The following SLC28A1 variants were observed in gnomAD, a reference collection of about 807,000 sequenced individuals.
The protein encoded by SLC28A1 is sodium/nucleoside cotransporter 1.
Under a neutral mutation model 74.8 loss-of-function variants are expected in SLC28A1, and 64 were observed. The ratio of observed to expected loss-of-function variants is 0.86; its 90% confidence interval spans 0.70 to 1.05. The LOEUF (loss-of-function observed/expected upper bound fraction) is 1.05. SLC28A1 is among the 50% of genes least tolerant of loss of function. The pLI is 0.00. For synonymous variants in SLC28A1, 359 were observed against 335.0 expected (o/e 1.07, Z -0.78); for missense variants, 828 against 822.8 (o/e 1.01, Z -0.08).
chr15:84,945,279 C>T lies in SLC28A1; in HGVS notation c.*79C>T. On this transcript the variant is annotated 3_prime_UTR_variant, in exon 19 of 19. Transcript: ENST00000394573. Reference sequence around the variant, plus strand: ...CCATCTGTCCCCACCTTCCCTTTCCCAGAGCCCTCTTCAGGGAAGCCACAG... The same window carrying T: ...CCATCTGTCCCCACCTTCCCTTTCCTAGAGCCCTCTTCAGGGAAGCCACAG... 7.3e-7 allele frequency: 1 copy of T among 1,372,506 alleles called. No individual in the cohort carries two copies. Among genetic ancestry groups the T allele is most frequent in the Non-Finnish European group, 1.0e-6 (1 of 964,578 alleles). 85.0% of individuals were successfully genotyped at this position (1,372,506 alleles called of 1,614,324 possible).
At chr15:84,963,598 C>T in the SLC28A1 span, among the ~76,000 whole-genome samples, 4 of 152,072 alleles carry the variant, frequency 2.6e-5, no homozygotes, top group African/African-American at 9.7e-5. Context: ...CTGGCATGGC[C>T]AGGGAGGGTA....
chr15:84,911,027 G>C (rs575508873), intron 9 of SLC28A1, among the ~76,000 whole-genome samples: 1 of 152,360 alleles, frequency 6.6e-6, no homozygotes, highest in East Asian at 1.9e-4. Flanking sequence ...TCAGTGGATA[G>C]GCAGGTAAGC....
the SLC28A1 span, among the ~76,000 whole-genome samples, chr15:84,960,313 T>C: frequency 7.8e-6 from 1 of 129,008 alleles, no homozygotes; most frequent in Admixed American, 9.4e-5. Flanking sequence ...TGGAGTACAG[T>C]GGCGCAATCT....
chr15:84,932,726 G>C (rs1971463809), intron 12 of SLC28A1, among the ~76,000 whole-genome samples: 1 of 152,218 alleles, frequency 6.6e-6, no homozygotes, highest in Non-Finnish European at 1.5e-5. Context: ...CCTCCACTAA[G>C]GGGGAAACCT....
chr15:84,956,480 T>TTTCTTTCTTTCTTTCTTTCTTTCC, the SLC28A1 span, among the ~76,000 whole-genome samples: 7 of 136,442 alleles, frequency 5.1e-5, no homozygotes, highest in African/African-American at 2.0e-4. Context: ...TCTTTCTTTC[T>TTTCTTTCTTTCTTTCTTTCTTTCC]TTCTTTCTTT....
intron 5 of SLC28A1, among the ~76,000 whole-genome samples, chr15:84,894,137 T>C (rs1309044167): frequency 6.6e-6 from 1 of 152,098 alleles, no homozygotes; most frequent in Non-Finnish European, 1.5e-5. Context: ...TTTGGGAGGC[T>C]GAGGTGGGCG....
downstream of SLC28A1, among the ~76,000 whole-genome samples, chr15:84,946,029 T>G (rs2079191082): frequency 1.4e-5 from 2 of 141,176 alleles, no homozygotes; most frequent in Non-Finnish European, 3.1e-5. Context: ...CCAGCTAATT[T>G]ATATATAAAT....
the SLC28A1 span, among the ~76,000 whole-genome samples, chr15:84,972,894 GTTAT>G: frequency 6.6e-6 from 1 of 152,196 alleles, no homozygotes; most frequent in Admixed American, 6.5e-5. Flanking sequence ...TGTGGGAGGG[GTTAT>G]TTTTCTTGTC....
intron 2 of SLC28A1, among the ~76,000 whole-genome samples, chr15:84,887,228 G>A (rs1448674191): frequency 6.6e-6 from 1 of 152,222 alleles, no homozygotes; most frequent in African/African-American, 2.4e-5. Context: ...ACCAGTTGTA[G>A]GGAGTGATGA....
chr15:84,885,045 A>T (rs968864798), intron 1 of SLC28A1, among the ~76,000 whole-genome samples: 3 of 151,796 alleles, frequency 2.0e-5, no homozygotes, highest in Admixed American at 1.3e-4. Flanking sequence ...TGCAGCCTCC[A>T]CCTCTCGGGT....
intron 5 of SLC28A1, among the ~76,000 whole-genome samples, chr15:84,891,982 C>G (rs1466303147): frequency 6.6e-6 from 1 of 151,952 alleles, no homozygotes; most frequent in Admixed American, 6.6e-5. Context: ...AAGCTCCCCA[C>G]CCCACCGGGA....
chr15:84,959,022 C>G, the SLC28A1 span, among the ~76,000 whole-genome samples: 1 of 149,034 alleles, frequency 6.7e-6, no homozygotes, highest in Non-Finnish European at 1.5e-5. Context: ...ATCGTTTGAA[C>G]CCAGGAGGTG....
downstream of SLC28A1, among the ~76,000 whole-genome samples, chr15:84,948,531 A>G (rs1174518606): frequency 6.6e-6 from 1 of 152,166 alleles, no homozygotes; most frequent in African/African-American, 2.4e-5. Context: ...GGGAAGGAAT[A>G]TGAATTATAA....
At chr15:84,958,279 C>T in the SLC28A1 span, among the ~76,000 whole-genome samples, 2 of 152,236 alleles carry the variant, frequency 1.3e-5, no homozygotes, top group Admixed American at 1.3e-4. Context: ...CTTATTCCAC[C>T]TGGTTCTCTT....
At chr15:84,955,479 C>G in the SLC28A1 span, among the ~76,000 whole-genome samples, 1,936 of 152,292 alleles carry the variant, frequency 0.013, 47 homozygotes, top group African/African-American at 0.043. Flanking sequence ...TACAGAAGCT[C>G]TTGGAACACT....
chr15:84,886,838 G>A (rs757804944), intron 2 of SLC28A1, 51 bp downstream of exon 2: 6 of 905,592 alleles, frequency 6.6e-6, no homozygotes, highest in Non-Finnish European at 7.9e-6. Flanking sequence ...GCGTCTGTGT[G>A]TGAGCCAGGG....
At position 84,888,852 on chromosome 15, in the gene SLC28A1, C is replaced by A; in HGVS notation, c.177C>A (p.Phe59Leu). ...SSWSEAAPKP[F>L]SRWRNLQPAL... is the part of the protein sequence containing the mutation. ...GGAGCGAGGCGGCGCCGAAGCCCTT[C>A]TCCAGATGGTAGGTGATCTCTGGAG... The change falls in exon 4 of 19, where the codon TTC (phenylalanine) becomes TTA (leucine). Residue 59 changes from phenylalanine (F) to leucine (L), a missense_variant. Physicochemically the swap from Phe to Leu is conservative, Grantham distance 22. Around this residue, in one of 3 missense-constraint regions of SLC28A1, gnomAD observed 767 missense variants for 753.5 expected, o/e 1.02. Coordinates refer to ENST00000394573, the MANE Select transcript of SLC28A1 (RefSeq NM_004213.5). The A allele has an allele frequency of 6.4e-7, 1 of 1,551,184 alleles. No homozygotes were observed. Among genetic ancestry groups the A allele is most frequent in the South Asian group, 1.2e-5 (1 of 84,060 alleles).
chr15:84,946,134 T>TTTTTTTTTTTTC (rs2079221896), downstream of SLC28A1, among the ~76,000 whole-genome samples: 1 of 114,080 alleles, frequency 8.8e-6, no homozygotes, highest in African/African-American at 3.4e-5. Context: ...TTTTTTTTTT[T>TTTTTTTTTTTTC]GGTAGAGATG....
the SLC28A1 span, among the ~76,000 whole-genome samples, chr15:84,973,968 A>G: frequency 1.3e-4 from 20 of 152,224 alleles, no homozygotes; most frequent in African/African-American, 4.6e-4. Flanking sequence ...CACAGGACAC[A>G]TCTCCCCTGA....
Sources: allele counts gnomAD v4.1 joint callset (sites outside exome capture counted in the v4.1 genomes callset), GRCh38; gene constraint gnomAD v4.1.1; regional missense constraint gnomAD v4.1.1; transcripts MANE v1.5; gene names NCBI Gene and HGNC (gene_info 2026-07-23, HGNC 2026-07-21).